Variants in SYN3 observed in about 807,000 individuals in gnomAD.
The protein encoded by SYN3 is synapsin-3.
A neutral mutation model predicts 65.8 loss-of-function variants in SYN3; 35 were observed. That is an observed-to-expected ratio of 0.53 (90% CI 0.41 to 0.70). The LOEUF (loss-of-function observed/expected upper bound fraction) is 0.70. Among genes scored for constraint, SYN3 ranks in the 30% least tolerant of loss-of-function variants. The pLI is 0.00. For synonymous variants in SYN3, 270 were observed against 292.9 expected (o/e 0.92, Z 0.80); for missense variants, 680 against 749.0 (o/e 0.91, Z 1.08).
chr22:32,802,325 C>T lies in SYN3; in HGVS notation c.711+62590G>A, dbSNP rs544880129. On this transcript the variant is annotated intron_variant, in intron 6 of 13. Coordinates refer to ENST00000358763, the MANE Select transcript of SYN3 (RefSeq NM_003490.4). ...GAAGATGCCCTGCAGAGGAAACTCA[C>T]AGTGGCTGAGGGAGCCCCTGGCCGC... is the stretch of plus-strand genomic sequence containing the variant. 1.2e-4 allele frequency among the ~76,000 whole-genome samples: 19 copies of T among 152,258 alleles called. No individual in the cohort carries two copies. The South Asian group carries it at 3.7e-3, about 30-fold the overall frequency.
intron 6 of SYN3, among the ~76,000 whole-genome samples, chr22:32,816,816 G>C (rs1306298684): frequency 2.6e-5 from 4 of 152,186 alleles, no homozygotes; most frequent in African/African-American, 9.7e-5. Context: ...AGCACCTCTT[G>C]TAAGTCATCA....
intron 6 of SYN3, among the ~76,000 whole-genome samples, chr22:32,729,791 A>C (rs896395474): frequency 2.6e-5 from 4 of 152,136 alleles, no homozygotes; most frequent in African/African-American, 9.7e-5. Context: ...GGTCATTGGA[A>C]TCCCTTCTCT....
At chr22:32,523,482 C>A (rs992680161) in intron 12 of SYN3, among the ~76,000 whole-genome samples, 11 of 152,300 alleles carry the variant, frequency 7.2e-5, no homozygotes, top group African/African-American at 2.6e-4. Context: ...AACTGTACTC[C>A]AGCCTGGGCA....
At chr22:32,891,475 T>C (rs2049444569) in intron 4 of SYN3, among the ~76,000 whole-genome samples, 1 of 152,150 alleles carries the variant, frequency 6.6e-6, no homozygotes, top group Non-Finnish European at 1.5e-5. Flanking sequence ...CCCTCTTCTC[T>C]GTAAGGAGGT....
intron 6 of SYN3, among the ~76,000 whole-genome samples, chr22:32,796,512 G>GTTTA (rs2046431591): frequency 6.6e-6 from 1 of 152,162 alleles, no homozygotes; most frequent in Non-Finnish European, 1.5e-5. Flanking sequence ...AAGGAAAGGT[G>GTTTA]TTTACCCCCT....
rs1455215402 is a variant in SYN3, at chr22:33,015,239, A to C, written c.-162-8415T>G. 7 of 455,192 alleles carry C rather than the reference A, an allele frequency of 1.5e-5. No individual in the cohort carries two copies. The African/African-American group carries it at 1.6e-4, about 11-fold the overall frequency. 28.2% of individuals were successfully genotyped at this position (455,192 alleles called of 1,614,324 possible). On this transcript the variant is annotated intron_variant, in intron 1 of 13. Coordinates refer to ENST00000358763, the MANE Select transcript of SYN3 (RefSeq NM_003490.4). ...CCGTCTCAAAAAAAAAAAAAAAAAA[A>C]AAACTACTGTATCTTGGACGAGACT...
Position 32,631,990 on chromosome 22 carries a change from CAGAG to C in SYN3, c.712-35258_712-35255del, listed in dbSNP as rs913659681. Among the ~76,000 whole-genome samples, 9 of 152,248 alleles carry C rather than the reference CAGAG, an allele frequency of 5.9e-5. No individual in the cohort carries two copies. In the Middle Eastern group the frequency reaches 0.017, roughly 288 times the overall value. On this transcript the variant is annotated intron_variant, in intron 6 of 13. Coordinates refer to ENST00000358763, the MANE Select transcript of SYN3 (RefSeq NM_003490.4). The stretch of plus-strand genomic sequence containing the variant: ...AGATTGACTTCCTATAAAAACAAGA[CAGAG>C]AGTGAAGAGCCAGGATCTGTGGGTT...
intron 6 of SYN3, among the ~76,000 whole-genome samples, chr22:32,619,205 G>A (rs58228617): frequency 0.076 from 11,592 of 152,228 alleles, 565 homozygotes; most frequent in East Asian, 0.2. Flanking sequence ...GTTGAGGTCC[G>A]ACAGCACTGG....
chr22:32,639,130 T>A (rs758653305), intron 6 of SYN3, among the ~76,000 whole-genome samples: 1 of 152,136 alleles, frequency 6.6e-6, no homozygotes, highest in Non-Finnish European at 1.5e-5. Flanking sequence ...TTTTTTTGTA[T>A]TTTTAGTAGA....
At chr22:32,762,214 T>C (rs945416560) in intron 6 of SYN3, among the ~76,000 whole-genome samples, 5 of 152,066 alleles carry the variant, frequency 3.3e-5, no homozygotes, top group African/African-American at 1.2e-4. Context: ...GTTAAAGCAG[T>C]GGGCTGGGAC....
At position 33,038,158 on chromosome 22, in the gene SYN3, G is replaced by T. The variant is rs903968483; in HGVS notation, c.-163+20134C>A. ...ACCAAAAGCTGCTTCCTGAGCCCTG[G>T]GAAGTGGCTGGGATTTTGCCAAACA... is the stretch of plus-strand genomic sequence containing the variant. On this transcript the variant is annotated intron_variant, in intron 1 of 13. Transcript: ENST00000358763. Among the ~76,000 whole-genome samples the T allele has an allele frequency of 5.9e-5, 9 of 152,320 alleles. 1 individual carries two copies. The Middle Eastern group carries it at 0.01, about 173-fold the overall frequency.
At chr22:32,779,074 T>C (rs992045202) in intron 6 of SYN3, among the ~76,000 whole-genome samples, 2 of 152,168 alleles carry the variant, frequency 1.3e-5, no homozygotes, top group Non-Finnish European at 1.5e-5. Flanking sequence ...ATCATCCAAA[T>C]GAATGTAAAA....
intron 12 of SYN3, among the ~76,000 whole-genome samples, chr22:32,525,554 C>T (rs1000400377): frequency 6.6e-6 from 1 of 151,752 alleles, no homozygotes; most frequent in Non-Finnish European, 1.5e-5. Flanking sequence ...AAAAAATATA[C>T]AAAAAATTAG....
intron 6 of SYN3, among the ~76,000 whole-genome samples, chr22:32,617,321 T>C (rs1026108674): frequency 2.6e-5 from 4 of 152,050 alleles, no homozygotes; most frequent in African/African-American, 9.7e-5. Context: ...TTTAAAATAA[T>C]CCAGTGTGGG....
chr22:32,739,705 C>T (rs1375201412), intron 6 of SYN3, among the ~76,000 whole-genome samples: 1 of 152,232 alleles, frequency 6.6e-6, no homozygotes, highest in Non-Finnish European at 1.5e-5. Context: ...ACATCAGGCA[C>T]AGCAGGGGCT....
intron 6 of SYN3, among the ~76,000 whole-genome samples, chr22:32,689,704 G>A (rs1003143576): frequency 6.6e-6 from 1 of 152,186 alleles, no homozygotes; most frequent in Non-Finnish European, 1.5e-5. Context: ...CACCAAGAGG[G>A]TCGAGGAGAG....
chr22:32,532,761 C>G (rs2058098142), intron 10 of SYN3, among the ~76,000 whole-genome samples: 1 of 152,288 alleles, frequency 6.6e-6, no homozygotes, highest in African/African-American at 2.4e-5. Flanking sequence ...GTGGTCACCC[C>G]AGCCATGTGC....
rs185322035 is a variant in SYN3, at chr22:33,055,875, G to A, written c.-163+2417C>T. On this transcript the variant is annotated intron_variant, in intron 1 of 13. Transcript: ENST00000358763. ...CTTTCTCCCCATCACCTAGGATAGC[G>A]CCTACTCCTTAAGAGACACTCAATA... is the stretch of plus-strand genomic sequence containing the variant. Among the ~76,000 whole-genome samples the A allele has an allele frequency of 7.9e-5, 12 of 152,220 alleles. No individual in the cohort carries two copies. In the East Asian group the frequency reaches 1.9e-3, roughly 24 times the overall value.
chr22:32,653,815 A>G (rs1304656553), intron 6 of SYN3, among the ~76,000 whole-genome samples: 1 of 152,178 alleles, frequency 6.6e-6, no homozygotes, highest in Non-Finnish European at 1.5e-5. Context: ...CCACATACAG[A>G]GCCTTTTCTC....
Sources: gnomAD v4.1 joint callset for allele counts (sites outside exome capture counted in the v4.1 genomes callset) on GRCh38, gnomAD v4.1.1 for gene constraint, MANE v1.5 for transcripts, NCBI Gene and HGNC (gene_info 2026-07-23, HGNC 2026-07-21) for gene names.